Variants in AKAP6 observed in about 807,000 individuals in gnomAD.
The protein encoded by AKAP6 is A-kinase anchoring protein 6, also known as A-kinase anchor protein 6.
AKAP6 carries 58 observed loss-of-function variants against 188.5 expected under a neutral mutation model. The observed-to-expected ratio is 0.31, with a 90% CI of 0.25 to 0.38. The LOEUF (loss-of-function observed/expected upper bound fraction) is 0.38, where lower values mean the gene tolerates loss of function less well. Among genes scored for constraint, AKAP6 ranks in the 10% least tolerant of loss-of-function variants. AKAP6 has a pLI of 1.00. For missense variants in AKAP6, 2,710 were observed against 2,740.0 expected, an observed-to-expected ratio of 0.99 and a Z score of 0.24; for synonymous variants, 989 against 998.6, an observed-to-expected ratio of 0.99 and a Z score of 0.18.
chr14:32,477,753 G>A (rs1322670797), intron 2 of AKAP6, among the ~76,000 whole-genome samples: 1 of 152,206 alleles, frequency 6.6e-6, no homozygotes, highest in African/African-American at 2.4e-5. Flanking sequence ...AGGCAATTTA[G>A]AATGGAGGTT....
At position 32,822,055 on chromosome 14, in the gene AKAP6, A is replaced by G. The variant is rs751265671; in HGVS notation, c.4242A>G (p.Thr1414=). The part of the protein sequence containing the change: ...DAVNVLKQKF[T]DEGESIKLPN... ...TTAACGTGTTAAAGCAAAAATTTAC[A>G]GATGAGGGGGAAAGCATTAAGCTTC... Residue 1414 remains threonine (T), a synonymous_variant, in exon 13 of 14, where the codon ACA becomes ACG. Coordinates refer to ENST00000280979, the MANE Select transcript of AKAP6 (RefSeq NM_004274.5). 1 of 1,613,970 alleles carries G rather than the reference A, an allele frequency of 6.2e-7. No homozygotes were observed. The highest frequency in any genetic ancestry group is 8.5e-7 in the Non-Finnish European group (1 of 1,179,950).
intron 2 of AKAP6, among the ~76,000 whole-genome samples, chr14:32,496,617 A>T (rs1880330784): frequency 6.6e-6 from 1 of 152,094 alleles, no homozygotes; most frequent in Non-Finnish European, 1.5e-5. Flanking sequence ...TACTGTTTGT[A>T]TATTAATGTC....
chr14:32,749,226 A>G (rs2032031569), intron 11 of AKAP6, among the ~76,000 whole-genome samples: 1 of 152,146 alleles, frequency 6.6e-6, no homozygotes, highest in South Asian at 2.1e-4. Flanking sequence ...TTGATTGAGA[A>G]GATTCCTTTC....
rs553744583 is a variant in AKAP6, at chr14:32,795,557, A to T, written c.3588+21664A>T. Among the ~76,000 whole-genome samples, 3 of 152,350 alleles carry T rather than the reference A, an allele frequency of 2.0e-5. No homozygotes were observed. The South Asian group carries it at 6.2e-4, about 32-fold the overall frequency. ...CAAAAATCTACATGATTATCTCAAT[A>T]GATACAGAAAAAGCCTTTGATAAAA... is the stretch of plus-strand genomic sequence containing the variant. On this transcript the variant is annotated intron_variant, in intron 12 of 13. Coordinates refer to ENST00000280979, the MANE Select transcript of AKAP6 (RefSeq NM_004274.5).
intron 1 of AKAP6, among the ~76,000 whole-genome samples, chr14:32,429,746 CTT>C (rs1482798677): frequency 1.3e-5 from 2 of 152,122 alleles, no homozygotes; most frequent in Admixed American, 6.6e-5. Context: ...TAGAAATTCT[CTT>C]GTGTGTAGTC....
chr14:32,732,846 A>T, intron 10 of AKAP6: 1 of 604,844 alleles, frequency 1.7e-6, no homozygotes, highest in East Asian at 2.7e-5. Flanking sequence ...ATGAAAAAGT[A>T]AGTAAAATAT....
At chr14:32,540,168 C>CTCTATATA (rs1240063339) in intron 3 of AKAP6, among the ~76,000 whole-genome samples, 90 of 60,910 alleles carry the variant, frequency 1.5e-3, no homozygotes, top group African/African-American at 5.2e-3. Flanking sequence ...CTCTCTCTCT[C>CTCTATATA]TATATATATA....
At chr14:32,692,187 C>G (rs943109838) in intron 8 of AKAP6, among the ~76,000 whole-genome samples, 3 of 152,200 alleles carry the variant, frequency 2.0e-5, no homozygotes, top group Admixed American at 6.5e-5. Context: ...TTGCTACTTG[C>G]AGGTCTCCAG....
chr14:32,619,304 A>G (rs1005935860), intron 7 of AKAP6, among the ~76,000 whole-genome samples: 16 of 152,060 alleles, frequency 1.1e-4, no homozygotes, highest in Non-Finnish European at 1.5e-5. Flanking sequence ...TAGAATTTTT[A>G]TGGCTTCAGG....
At chr14:32,819,615 T>C (rs1349721650) in intron 12 of AKAP6, among the ~76,000 whole-genome samples, 1 of 152,116 alleles carries the variant, frequency 6.6e-6, no homozygotes, top group Admixed American at 6.5e-5. Flanking sequence ...CTTTATGAAT[T>C]GACTCAAGAC....
At chr14:32,512,790 C>G (rs1308821134) in intron 2 of AKAP6, among the ~76,000 whole-genome samples, 1 of 152,142 alleles carries the variant, frequency 6.6e-6, no homozygotes, top group Non-Finnish European at 1.5e-5. Flanking sequence ...TTTCATAACT[C>G]AGACATAAGC....
chr14:32,339,316 A>G (rs1228677168), intron 1 of AKAP6, among the ~76,000 whole-genome samples: 1 of 152,172 alleles, frequency 6.6e-6, no homozygotes, highest in African/African-American at 2.4e-5. Flanking sequence ...GGTCCTTTTC[A>G]AGGTATAAAC....
chr14:32,678,520 A>G (rs1389868186), intron 8 of AKAP6, 61 bp downstream of exon 8: 1 of 1,592,278 alleles, frequency 6.3e-7, no homozygotes, highest in Non-Finnish European at 8.6e-7. Context: ...ATGATTTTCC[A>G]CTGGTAGGTG....
At chr14:32,499,346 A>AAAG (rs1555334079) in intron 2 of AKAP6, among the ~76,000 whole-genome samples, 11 of 151,136 alleles carry the variant, frequency 7.3e-5, no homozygotes, top group African/African-American at 2.4e-4. Flanking sequence ...AAAAAAAAAA[A>AAAG]AGAGAGAAAG....
rs572705211 is a variant in AKAP6, at chr14:32,535,032, A to G, written c.325-522A>G. 2.6e-5 allele frequency among the ~76,000 whole-genome samples: 4 copies of G among 151,666 alleles called. No individual in the cohort carries two copies. In the East Asian group the frequency reaches 7.8e-4, roughly 29 times the overall value. On this transcript the variant is annotated intron_variant, in intron 2 of 13. Coordinates refer to ENST00000280979, the MANE Select transcript of AKAP6 (RefSeq NM_004274.5). ...ACTGAATTTGAATATTAAGTTGTAT[A>G]CTTGTGGGAGAGTGACAATTGCCCC...
intron 2 of AKAP6, among the ~76,000 whole-genome samples, chr14:32,498,233 A>G (rs551756375): frequency 1.2e-4 from 19 of 152,224 alleles, no homozygotes; most frequent in Non-Finnish European, 2.1e-4. Flanking sequence ...GCACTGGCCA[A>G]TTAGAATGAG....
At chr14:32,603,080 T>C (rs1257472204) in intron 7 of AKAP6, among the ~76,000 whole-genome samples, 1 of 152,094 alleles carries the variant, frequency 6.6e-6, no homozygotes, top group Non-Finnish European at 1.5e-5. Context: ...TGATCTAGAT[T>C]AGGGTATCAG....
chr14:32,614,274 C>T (rs187087762), intron 7 of AKAP6, among the ~76,000 whole-genome samples: 4 of 152,276 alleles, frequency 2.6e-5, no homozygotes, highest in African/African-American at 7.2e-5. Context: ...TCTACAGATA[C>T]TTTTTGTCTC....
intron 4 of AKAP6, among the ~76,000 whole-genome samples, chr14:32,571,824 T>C (rs1203426838): frequency 6.6e-6 from 1 of 152,214 alleles, no homozygotes; most frequent in Non-Finnish European, 1.5e-5. Flanking sequence ...GTCAAGCCCA[T>C]CTGTAATTGA....
Sources: allele counts gnomAD v4.1 joint callset (sites outside exome capture counted in the v4.1 genomes callset), GRCh38; gene constraint gnomAD v4.1.1; transcripts MANE v1.5; gene names NCBI Gene and HGNC (gene_info 2026-07-23, HGNC 2026-07-21).